Variants in GCNT2 observed in about 807,000 individuals in gnomAD.
GCNT2 encodes the protein glucosaminyl (N-acetyl) transferase 2 (I blood group).
GCNT2 carries 34 observed loss-of-function variants against 34.2 expected under a neutral mutation model. The observed-to-expected ratio is 1.00, with a 90% confidence interval of 0.76 to 1.32. The LOEUF is 1.32. Among genes scored for constraint, GCNT2 ranks in the 40% most tolerant of loss-of-function variants. GCNT2 has a pLI of 0.00. For missense variants in GCNT2, 584 were observed against 489.4 expected (o/e 1.19, Z -1.82); for synonymous variants, 212 against 188.0 (o/e 1.13, Z -1.04).
chr6:10,561,832 G>C (rs1240790125), intron 3 of GCNT2, among the ~76,000 whole-genome samples: 4 of 147,828 alleles, frequency 2.7e-5, no homozygotes, highest in African/African-American at 1.0e-4. Context: ...TTTTTTTTCA[G>C]GGCCCTTTTG....
At chr6:10,585,817 A>C (rs1764317124) in intron 3 of GCNT2, 1 of 1,451,696 alleles carries the variant, frequency 6.9e-7, no homozygotes, top group African/African-American at 1.4e-5. Flanking sequence ...AAAAGGATGG[A>C]CGAGACACCG....
intron 3 of GCNT2, among the ~76,000 whole-genome samples, chr6:10,534,902 G>A (rs1490236551): frequency 1.3e-5 from 2 of 152,084 alleles, no homozygotes; most frequent in African/African-American, 4.8e-5. Context: ...CAAAACATGG[G>A]TCCGGGCACA....
chr6:10,572,580 A>C (rs887704386), intron 3 of GCNT2, among the ~76,000 whole-genome samples: 1 of 152,124 alleles, frequency 6.6e-6, no homozygotes, highest in Admixed American at 6.5e-5. Flanking sequence ...AAAATACAAA[A>C]AAAATTAGCC....
At chr6:10,560,991 A>C (rs969345299) in intron 3 of GCNT2, among the ~76,000 whole-genome samples, 1 of 152,170 alleles carries the variant, frequency 6.6e-6, no homozygotes, top group African/African-American at 2.4e-5. Flanking sequence ...CTCCAGGACC[A>C]CAGATTTCTC....
chr6:10,623,208 A>C (rs945975890), intron 4 of GCNT2, among the ~76,000 whole-genome samples: 12 of 148,106 alleles, frequency 8.1e-5, no homozygotes, highest in South Asian at 4.4e-4. Context: ...CTGTAAAGAA[A>C]TTTTGGTCCA....
intron 3 of GCNT2, among the ~76,000 whole-genome samples, chr6:10,532,914 C>CTTTTTT (rs67442555): frequency 1.2e-5 from 1 of 85,402 alleles, no homozygotes; most frequent in East Asian, 3.5e-4. Context: ...GTGGTTTTTG[C>CTTTTTT]TTTTTTTTTT....
intron 3 of GCNT2, among the ~76,000 whole-genome samples, chr6:10,595,116 G>T (rs1381763497): frequency 1.3e-5 from 2 of 151,920 alleles, no homozygotes; most frequent in Non-Finnish European, 2.9e-5. Flanking sequence ...TACTTTTTAT[G>T]ACCACCAAAA....
intron 3 of GCNT2, chr6:10,557,071 G>A: frequency 2.5e-6 from 4 of 1,600,400 alleles, no homozygotes; most frequent in Non-Finnish European, 3.4e-6. Flanking sequence ...TCACCCCAGG[G>A]GTGCTGCCCC....
intron 3 of GCNT2, among the ~76,000 whole-genome samples, chr6:10,614,453 A>G (rs368678096): frequency 7.2e-5 from 11 of 152,130 alleles, no homozygotes; most frequent in African/African-American, 1.4e-4. Context: ...GTGAAACCCT[A>G]TCTCTACTAA....
At chr6:10,556,796 C>T in intron 3 of GCNT2, 1 of 1,614,124 alleles carries the variant, frequency 6.2e-7, no homozygotes, top group African/African-American at 1.3e-5. Flanking sequence ...CTACTGTGTT[C>T]ATGTGGATGA....
chr6:10,541,724 A>C (rs1762042553), intron 3 of GCNT2, among the ~76,000 whole-genome samples: 1 of 152,182 alleles, frequency 6.6e-6, no homozygotes, highest in South Asian at 2.1e-4. Flanking sequence ...CTCTGAATTC[A>C]ATTCAGGGAA....
intron 3 of GCNT2, among the ~76,000 whole-genome samples, chr6:10,579,766 A>C (rs765926824): frequency 3.7e-4 from 55 of 147,940 alleles, no homozygotes; most frequent in Non-Finnish European, 7.5e-4. Context: ...CAGTGAGCTG[A>C]GATCGTGCCA....
intron 3 of GCNT2, among the ~76,000 whole-genome samples, chr6:10,578,234 C>T (rs1158330117): frequency 2.0e-5 from 3 of 151,462 alleles, no homozygotes; most frequent in Non-Finnish European, 4.4e-5. Flanking sequence ...CTAATAAAAA[C>T]ACAAAAATTA....
chr6:10,565,751 C>T (rs899608524), intron 3 of GCNT2, among the ~76,000 whole-genome samples: 3 of 152,096 alleles, frequency 2.0e-5, no homozygotes, highest in South Asian at 2.1e-4. Context: ...AAGATAGTAT[C>T]GCTCCCCCGT....
At chr6:10,528,519 C>G (rs1156622804) in intron 2 of GCNT2, 112 bp from the exon 3 acceptor site, 1 of 316,216 alleles carries the variant, frequency 3.2e-6, no homozygotes, top group Non-Finnish European at 6.1e-6. Context: ...AGGTTAAGGT[C>G]TTAGAGCCGA....
chr6:10,574,740 C>CACCTATGA lies in GCNT2; in HGVS notation c.925+44905_925+44912dup, dbSNP rs1020572868. ...CTAGAGGTCTTTTATTTTTTTTTAA[C>CACCTATGA]ACCTATGATGCCATGAATTCGTAGG... On this transcript the variant is annotated intron_variant, in intron 3 of 4. Transcript: ENST00000495262. 7 of 529,544 alleles carry CACCTATGA rather than the reference C, an allele frequency of 1.3e-5. No individual in the cohort carries two copies. In the East Asian group the frequency reaches 2.8e-4, roughly 21 times the overall value. 32.8% of individuals were successfully genotyped at this position (529,544 alleles called of 1,614,324 possible).
intron 3 of GCNT2, among the ~76,000 whole-genome samples, chr6:10,541,815 G>A (rs1027097315): frequency 6.6e-6 from 1 of 152,092 alleles, no homozygotes; most frequent in African/African-American, 2.4e-5. Context: ...TATCTTTGAG[G>A]ACCCAGTTGA....
chr6:10,611,260 ACTTG>A (rs767020678), intron 3 of GCNT2, among the ~76,000 whole-genome samples: 89,934 of 147,616 alleles, frequency 0.61, 27,506 homozygotes, highest in East Asian at 0.65. Context: ...TCAATTGATC[ACTTG>A]AACTGGTTCA....
intron 3 of GCNT2, chr6:10,586,748 A>G (rs202188269): frequency 6.2e-7 from 1 of 1,614,092 alleles, no homozygotes; most frequent in Non-Finnish European, 8.5e-7. Flanking sequence ...TGAAAACTTC[A>G]CCTCCACATC....
Sources: allele counts gnomAD v4.1 joint callset (sites outside exome capture counted in the v4.1 genomes callset), GRCh38; gene constraint gnomAD v4.1.1; transcripts MANE v1.5; gene names NCBI Gene and HGNC (gene_info 2026-07-23, HGNC 2026-07-21).